NXN: variants seen among roughly 807,000 people sequenced by gnomAD.
NXN encodes the protein nucleoredoxin.
NXN carries 16 observed loss-of-function variants against 48.6 expected under a neutral mutation model. That is an observed-to-expected ratio of 0.33 (90% CI 0.22 to 0.50). The LOEUF (loss-of-function observed/expected upper bound fraction) is 0.50, where lower values mean the gene tolerates loss of function less well. Among genes scored for constraint, NXN ranks in the 20% least tolerant of loss-of-function variants. NXN has a pLI of 0.98. For synonymous variants in NXN, 281 were observed against 269.6 expected (o/e 1.04, Z -0.41); for missense variants, 492 against 605.5 (o/e 0.81, Z 1.97).
chr17:945,030 G>A (rs1191491137), intron 1 of NXN, among the ~76,000 whole-genome samples: 4 of 152,098 alleles, frequency 2.6e-5, no homozygotes, highest in African/African-American at 7.2e-5. Context: ...GGTTGCCTCC[G>A]TCATCAACAT....
chr17:923,277 C>G (rs750412304), intron 1 of NXN, among the ~76,000 whole-genome samples: 7 of 152,266 alleles, frequency 4.6e-5, no homozygotes, highest in Non-Finnish European at 7.4e-5. Flanking sequence ...ACCTGGGTGC[C>G]ACTCCAGTGT....
chr17:811,541 T>C (rs1232457677), intron 5 of NXN, among the ~76,000 whole-genome samples: 1 of 151,876 alleles, frequency 6.6e-6, no homozygotes, highest in Admixed American at 6.6e-5. Context: ...AAGCCAGTTA[T>C]TCCCACGAGA....
intron 1 of NXN, among the ~76,000 whole-genome samples, chr17:955,932 T>C (rs903951394): frequency 6.6e-6 from 1 of 151,278 alleles, no homozygotes; most frequent in Non-Finnish European, 1.5e-5. Context: ...GAGAGAAATA[T>C]GACTGGCCCA....
chr17:817,956 T>C (rs1486769485), intron 5 of NXN, among the ~76,000 whole-genome samples: 1 of 151,684 alleles, frequency 6.6e-6, no homozygotes, highest in Non-Finnish European at 1.5e-5. Context: ...ACATTCAGTC[T>C]CATTAACAAT....
rs564290404 is a variant in NXN at position 833,377 on chromosome 17, C to G, written c.361-7299G>C. On this transcript the variant is annotated intron_variant, in intron 1 of 7. Coordinates refer to ENST00000336868, the MANE Select transcript of NXN (RefSeq NM_022463.5). ...AAAAACACACGAATCAGAAGGCGAC[C>G]CTTCTGTCAGAGAAGTCATCCAGGA... Among the ~76,000 whole-genome samples, 3 of 152,194 alleles carry G rather than the reference C, an allele frequency of 2.0e-5. No individual in the cohort carries two copies. In the South Asian group the frequency reaches 6.2e-4, roughly 32 times the overall value.
chr17:966,352 T>A (rs904419930), intron 1 of NXN, among the ~76,000 whole-genome samples: 1 of 151,882 alleles, frequency 6.6e-6, no homozygotes, highest in Admixed American at 6.6e-5. Context: ...TTGTCAGCAT[T>A]TTTTTTTCTT....
intron 1 of NXN, among the ~76,000 whole-genome samples, chr17:951,464 A>G (rs950841314): frequency 7.9e-5 from 12 of 151,018 alleles, no homozygotes; most frequent in African/African-American, 1.2e-4. Context: ...CTGCAGCCTG[A>G]TCTCTCTGTT....
At chr17:887,293 A>G (rs955376040) in intron 1 of NXN, among the ~76,000 whole-genome samples, 2 of 152,162 alleles carry the variant, frequency 1.3e-5, no homozygotes, top group Non-Finnish European at 2.9e-5. Flanking sequence ...AAGTGGCCAC[A>G]GCGACGAAGG....
Position 932,496 on chromosome 17 carries a change from G to C in NXN, c.360+46823C>G, listed in dbSNP as rs1209950080. The stretch of plus-strand genomic sequence containing the variant: ...AAAACAAAACTCTGAGGCGGCGTTG[G>C]GTCCAGTCGTCGTCTCCTCAGCGAG... On this transcript the variant is annotated intron_variant, in intron 1 of 7. Coordinates refer to ENST00000336868, the MANE Select transcript of NXN (RefSeq NM_022463.5). This position sits in a 1 kb window ranked among gnomAD's most constrained non-coding sequence, Gnocchi z 4.1. Among the ~76,000 whole-genome samples the C allele has an allele frequency of 6.6e-6, 1 of 152,196 alleles. No individual in the cohort carries two copies. Among genetic ancestry groups the C allele is most frequent in the Admixed American group, 6.5e-5 (1 of 15,280 alleles).
intron 1 of NXN, among the ~76,000 whole-genome samples, chr17:850,826 G>A (rs1337999730): frequency 5.3e-5 from 8 of 152,182 alleles, no homozygotes; most frequent in Non-Finnish European, 7.4e-5. Context: ...GGGGGCTGCC[G>A]TTGGCGGACA....
At chr17:900,075 G>C (rs2068523143) in intron 1 of NXN, among the ~76,000 whole-genome samples, 1 of 152,064 alleles carries the variant, frequency 6.6e-6, no homozygotes, top group Non-Finnish European at 1.5e-5. Context: ...AGACCAACCT[G>C]ACCAACATGG....
chr17:946,414 G>A (rs1401397610), intron 1 of NXN, among the ~76,000 whole-genome samples: 4 of 152,108 alleles, frequency 2.6e-5, no homozygotes, highest in African/African-American at 4.8e-5. Flanking sequence ...TGATCCGCCC[G>A]CCTAGGCCTC....
intron 1 of NXN, among the ~76,000 whole-genome samples, chr17:935,251 C>G (rs2068896132): frequency 6.9e-6 from 1 of 144,982 alleles, no homozygotes; most frequent in African/African-American, 2.5e-5. Flanking sequence ...ACCTTGGCCT[C>G]CCAAAGTGCT....
intron 1 of NXN, among the ~76,000 whole-genome samples, chr17:897,535 C>T (rs578259329): frequency 5.1e-4 from 78 of 152,260 alleles, no homozygotes; most frequent in African/African-American, 1.3e-3. Context: ...CGGCATGTTC[C>T]GCTATTATTG....
chr17:929,291 G>A (rs2068830707), intron 1 of NXN, among the ~76,000 whole-genome samples: 1 of 152,206 alleles, frequency 6.6e-6, no homozygotes, highest in South Asian at 2.1e-4. Flanking sequence ...GCCCTCTACT[G>A]GCATTTGAGT....
intron 5 of NXN, among the ~76,000 whole-genome samples, chr17:807,172 G>A (rs73975537): frequency 0.027 from 4,086 of 152,252 alleles, 197 homozygotes; most frequent in African/African-American, 0.093. Context: ...AAGGGAATCC[G>A]GGCCAGGGAC....
chr17:928,555 G>T (rs771247234), intron 1 of NXN, among the ~76,000 whole-genome samples: 20 of 152,180 alleles, frequency 1.3e-4, no homozygotes, highest in Non-Finnish European at 2.6e-4. Context: ...GTACTGGAAG[G>T]TTGGGCGCGG....
Position 915,524 on chromosome 17 carries a change from A to G in NXN, c.360+63795T>C, listed in dbSNP as rs547714516. Among the ~76,000 whole-genome samples the G allele has an allele frequency of 4.9e-4, 75 of 152,188 alleles. 2 individuals are homozygous for G. The highest frequency in any genetic ancestry group is 3.4e-3 in the Middle Eastern group (1 of 294). On this transcript the variant is annotated intron_variant, in intron 1 of 7. Coordinates refer to ENST00000336868, the MANE Select transcript of NXN (RefSeq NM_022463.5). ...GGTCTCAAACTCTTGGGCTCAGGCAATCAACCTGCCTCAGCCTCCCAAAGT... is the reference window on the plus strand; with the variant it reads ...GGTCTCAAACTCTTGGGCTCAGGCAGTCAACCTGCCTCAGCCTCCCAAAGT...
At chr17:906,255 G>A (rs1422696581) in intron 1 of NXN, among the ~76,000 whole-genome samples, 1 of 152,080 alleles carries the variant, frequency 6.6e-6, no homozygotes, top group African/African-American at 2.4e-5. Context: ...TCTGGGAAGT[G>A]GCACCATATA....
Sources: allele counts gnomAD v4.1 joint callset (sites outside exome capture counted in the v4.1 genomes callset), GRCh38; gene constraint gnomAD v4.1.1; non-coding constraint Gnocchi (gnomAD v3.1); transcripts MANE v1.5; gene names NCBI Gene and HGNC (gene_info 2026-07-23, HGNC 2026-07-21).